C4orf50: variants seen among roughly 807,000 people sequenced by gnomAD.
C4orf50 encodes the protein uncharacterized protein C4orf50.
Under a neutral mutation model 77.2 loss-of-function variants are expected in C4orf50, and 80 were observed. That is an observed-to-expected ratio of 1.04 (90% confidence interval 0.87 to 1.25). The LOEUF is 1.25. Ranked by LOEUF, C4orf50 falls within the 50% of genes most tolerant of loss-of-function variation. C4orf50 has a pLI of 0.00. For missense variants in C4orf50, 1,257 were observed against 1,152.9 expected (o/e 1.09, Z -1.31); for synonymous variants, 532 against 465.3 (o/e 1.14, Z -1.84).
In C4orf50 at chr4:6,015,712, G is replaced by A. The variant is rs116612635; in HGVS notation, c.287+2433C>T. Among the ~76,000 whole-genome samples the A allele has an allele frequency of 4.3e-3, 652 of 152,194 alleles. 10 individuals are homozygous for A. The highest frequency in any genetic ancestry group is 0.012 in the African/African-American group (494 of 41,538). ...GTCAGTGGAGCCAAGCCCTCTCCGA[G>A]GCTGAAGGGGAAATCCAATTCCTGG... On this transcript the variant is annotated intron_variant, in intron 23 of 33. Transcript: ENST00000531445. The surrounding 1 kb of genome is among the most constrained non-coding windows in gnomAD (Gnocchi z 4.4).
intron 23 of C4orf50, among the ~76,000 whole-genome samples, chr4:6,012,646 A>G (rs1722535396): frequency 6.6e-6 from 1 of 152,174 alleles, no homozygotes; most frequent in Non-Finnish European, 1.5e-5. Flanking sequence ...GGTCTTGCAA[A>G]CACACTGGGG....
chr4:5,898,804 T>C (rs1473456583), intron 7 of C4orf50: 1 of 152,218 alleles, frequency 6.6e-6, no homozygotes, highest in Non-Finnish European at 1.5e-5. Context: ...CATCAGCCCA[T>C]GCTTGGACAC....
chr4:5,957,754 A>C (rs1382576060), exon 34 of C4orf50: 1 of 152,244 alleles, frequency 6.6e-6, no homozygotes, highest in Non-Finnish European at 1.5e-5. Flanking sequence ...CTAACCCATC[A>C]GAAAACCCCA....
At chr4:6,004,349 TGAC>T (rs1467666829) in intron 25 of C4orf50, among the ~76,000 whole-genome samples, 11 of 101,164 alleles carry the variant, frequency 1.1e-4, no homozygotes, top group Non-Finnish European at 1.2e-4. Flanking sequence ...ATGGTGATGA[TGAC>T]GGTGATGGTG....
At chr4:5,923,876 C>G (rs1168613264) in intron 7 of C4orf50, among the ~76,000 whole-genome samples, 1 of 152,198 alleles carries the variant, frequency 6.6e-6, no homozygotes, top group Admixed American at 6.5e-5. Context: ...TACCCTCCAT[C>G]TGGGTGGGCA....
intron 7 of C4orf50, among the ~76,000 whole-genome samples, chr4:5,947,992 G>A (rs1481588258): frequency 2.0e-5 from 3 of 152,152 alleles, no homozygotes; most frequent in South Asian, 2.1e-4. Flanking sequence ...CCCTATGTGC[G>A]CCCACAGGAT....
chr4:5,988,784 C>T, exon 28 of C4orf50: 1 of 1,536,148 alleles, frequency 6.5e-7, no homozygotes, highest in Non-Finnish European at 8.7e-7. Context: ...TGCTCGTTCT[C>T]CCCACTTAAG....
intron 7 of C4orf50, among the ~76,000 whole-genome samples, chr4:5,917,234 A>G (rs1267537411): frequency 6.6e-6 from 1 of 152,208 alleles, no homozygotes; most frequent in African/African-American, 2.4e-5. Context: ...AGCCCTGCTT[A>G]GCCAGCCTGG....
chr4:5,911,281 T>G (rs1716796279), intron 7 of C4orf50, among the ~76,000 whole-genome samples: 1 of 152,086 alleles, frequency 6.6e-6, no homozygotes, highest in South Asian at 2.1e-4. Context: ...CCACATCGAG[T>G]ATCTGTGGTG....
At chr4:6,004,716 G>A (rs896772521) in intron 25 of C4orf50, among the ~76,000 whole-genome samples, 1 of 144,282 alleles carries the variant, frequency 6.9e-6, no homozygotes, top group East Asian at 2.1e-4. Context: ...TGGTGGTGAT[G>A]ATGTGATGGT....
At chr4:5,968,372 G>A (rs370637551) in intron 31 of C4orf50, among the ~76,000 whole-genome samples, 1 of 152,206 alleles carries the variant, frequency 6.6e-6, no homozygotes, top group African/African-American at 2.4e-5. Context: ...ATTGACTGGT[G>A]GAGGGCTTAA....
Position 5,988,381 on chromosome 4 carries a change from C to A in C4orf50, c.3665G>T (p.Gly1222Val), listed in dbSNP as rs1460256890. Residue 1222 changes from glycine to valine, a missense_variant, in exon 28 of 34, where the codon GGG becomes GTG. Coordinates refer to ENST00000531445, the Ensembl canonical transcript of C4orf50. ...ATTGCTCAGGGAGCTCAGAGCTTGC[C>A]CCTGAGCCACAGAACACCTGGGCCT... The A allele has an allele frequency of 4.3e-6, 7 of 1,613,982 alleles. No individual in the cohort carries two copies. In the South Asian group the frequency reaches 7.7e-5, roughly 18 times the overall value.
At chr4:5,973,117 G>C (rs1720028529) in intron 31 of C4orf50, among the ~76,000 whole-genome samples, 2 of 152,210 alleles carry the variant, frequency 1.3e-5, no homozygotes, top group South Asian at 2.1e-4. Flanking sequence ...GGGCCCATCG[G>C]AGATGGGCCC....
intron 7 of C4orf50, among the ~76,000 whole-genome samples, chr4:5,906,450 T>A (rs527605571): frequency 6.6e-6 from 1 of 152,004 alleles, no homozygotes; most frequent in African/African-American, 2.4e-5. Context: ...ACAGCGTGAG[T>A]AGCGGAGAGA....
chr4:5,963,022 G>A (rs1401461777), intron 33 of C4orf50, among the ~76,000 whole-genome samples: 4 of 134,904 alleles, frequency 3.0e-5, no homozygotes, highest in South Asian at 2.4e-4. Flanking sequence ...TTTTTTTTGA[G>A]ATGGAGTCTC....
chr4:5,965,259 CCA>C, intron 32 of C4orf50, 114 bp from the exon 11 acceptor site: 1 of 1,154,696 alleles, frequency 8.7e-7, no homozygotes, highest in South Asian at 1.7e-5. Flanking sequence ...CAGATCATTC[CCA>C]GTTTCCATGC....
chr4:5,995,208 G>A (rs528882622), intron 25 of C4orf50, among the ~76,000 whole-genome samples: 72 of 151,992 alleles, frequency 4.7e-4, no homozygotes, highest in Non-Finnish European at 8.7e-4. Flanking sequence ...CACAGCCCAG[G>A]GCACCCTGGA....
intron 25 of C4orf50, among the ~76,000 whole-genome samples, chr4:6,003,350 T>G (rs998505419): frequency 2.0e-5 from 3 of 152,168 alleles, no homozygotes; most frequent in Non-Finnish European, 2.9e-5. Flanking sequence ...AAAATTACAG[T>G]GTAGGTAGTG....
chr4:5,925,617 T>C (rs1717481465), intron 7 of C4orf50, among the ~76,000 whole-genome samples: 2 of 152,232 alleles, frequency 1.3e-5, no homozygotes, highest in African/African-American at 2.4e-5. Context: ...TGGGTTTCTA[T>C]GGCAACCTGC....
Sources: gnomAD v4.1 joint callset for allele counts (sites outside exome capture counted in the v4.1 genomes callset) on GRCh38, gnomAD v4.1.1 for gene constraint, Gnocchi (gnomAD v3.1) non-coding constraint, MANE v1.5 for transcripts, NCBI Gene and HGNC (gene_info 2026-07-23, HGNC 2026-07-21) for gene names.